CD200: variants seen among roughly 807,000 people sequenced by gnomAD.
The protein encoded by CD200 is OX-2 membrane glycoprotein.
Under a neutral mutation model 30.9 loss-of-function variants are expected in CD200, and 15 were observed. The observed-to-expected ratio is 0.49, with a 90% confidence interval of 0.32 to 0.75. CD200 has a LOEUF of 0.75. Among genes scored for constraint, CD200 ranks in the 30% least tolerant of loss-of-function variants. The pLI is 0.03. For synonymous variants in CD200, 134 were observed against 126.2 expected (o/e 1.06, Z -0.41); for missense variants, 262 against 324.2 (o/e 0.81, Z 1.47).
At chr3:112,346,303 T>C (rs2081391823) in intron 3 of CD200, among the ~76,000 whole-genome samples, 1 of 151,982 alleles carries the variant, frequency 6.6e-6, no homozygotes, top group African/African-American at 2.4e-5. Context: ...ATTTTTCTTT[T>C]TTTCTTGTGT....
At chr3:112,344,475 C>T (rs1444160829) in intron 2 of CD200, among the ~76,000 whole-genome samples, 1 of 152,174 alleles carries the variant, frequency 6.6e-6, no homozygotes, top group Non-Finnish European at 1.5e-5. Flanking sequence ...GAGGCAGACA[C>T]CTCTGTTCCA....
At chr3:112,333,616 C>T (rs913424791) in intron 1 of CD200, 1 of 985,308 alleles carries the variant, frequency 1.0e-6, no homozygotes, top group Non-Finnish European at 1.2e-6. Context: ...AAACTGCCCC[C>T]AAAAGGGAAA....
intron 1 of CD200, among the ~76,000 whole-genome samples, chr3:112,339,171 A>AT (rs1267686059): frequency 3.3e-5 from 5 of 152,178 alleles, no homozygotes; most frequent in East Asian, 1.9e-4. Context: ...ATCTGGTGTG[A>AT]TTTTTTATTC....
intron 4 of CD200, 102 bp downstream of exon 4, chr3:112,347,932 T>C: frequency 5.7e-6 from 6 of 1,049,516 alleles, no homozygotes; most frequent in Non-Finnish European, 8.2e-6. Flanking sequence ...GCATAATCTA[T>C]TTGGAGAAAG....
intron 2 of CD200, among the ~76,000 whole-genome samples, chr3:112,341,302 A>T (rs2081233713): frequency 6.6e-6 from 1 of 152,230 alleles, no homozygotes; most frequent in Non-Finnish European, 1.5e-5. Context: ...TTTTAAATAT[A>T]TGGGAATGCT....
rs1208407975 is a variant in CD200 at position 112,347,633 on chromosome 3, C to T, written c.497C>T (p.Pro166Leu). The change falls in exon 4 of 6, where the codon CCA becomes CTA. Residue 166 changes from proline (P) to leucine (L), a missense_variant. Transcript: ENST00000315711. ...LNITCSATAR[P>L]APMVFWKVPR... is the part of the protein sequence containing the mutation. ...ATCACTTGCTCTGCCACTGCCCGCC[C>T]AGCCCCCATGGTCTTCTGGAAGGTC... The T allele has an allele frequency of 1.2e-6, 2 of 1,613,928 alleles. No individual in the cohort carries two copies. Among genetic ancestry groups the T allele is most frequent in the African/African-American group, 2.7e-5 (2 of 74,886 alleles).
At chr3:112,354,225 C>T (rs527502183) in intron 5 of CD200, among the ~76,000 whole-genome samples, 5 of 152,314 alleles carry the variant, frequency 3.3e-5, no homozygotes, top group Non-Finnish European at 7.4e-5. Context: ...ACATCTCAGT[C>T]TCCTGCCCAA....
rs2081353602 is a variant in CD200 at position 112,345,073 on chromosome 3, C to T, written c.206C>T (p.Ala69Val). 6.2e-7 allele frequency: 1 copy of T among 1,613,944 alleles called. No homozygotes were observed. The highest frequency in any genetic ancestry group is 1.7e-5 in the Admixed American group (1 of 59,972). Residue 69 changes from alanine to valine, a missense_variant, in exon 3 of 6, where the codon GCT becomes GTT. Physicochemically the swap from Ala to Val is moderately conservative, Grantham distance 64 (BLOSUM62 0). Transcript: ENST00000315711. ...ALIVTWQKKK[A>V]VSPENMVTFS... ...ATTGTGACATGGCAGAAAAAGAAAG[C>T]TGTAAGCCCAGAAAACATGGTCACC... is the stretch of plus-strand genomic sequence containing the variant.
At chr3:112,335,857 A>G (rs2081103275) in intron 1 of CD200, 6 of 941,180 alleles carry the variant, frequency 6.4e-6, no homozygotes, top group Admixed American at 5.1e-5. Context: ...AACACACACA[A>G]CCACCTCCAG....
In CD200 at chr3:112,333,181, C is replaced by T. The variant is rs1163354070; in HGVS notation, c.-32C>T. 3 of 1,549,300 alleles carry T rather than the reference C, an allele frequency of 1.9e-6. No homozygotes were observed. The South Asian group carries it at 3.6e-5, about 18-fold the overall frequency. On this transcript the variant is annotated 5_prime_UTR_variant, in exon 1 of 6. Transcript: ENST00000315711. ...AGAGCTCCAGGCGCACATCCGCAGT[C>T]AGCCACCTCGCGCGCGCCTCCAGGA... is the stretch of plus-strand genomic sequence containing the variant.
At chr3:112,346,299 CT>C (rs950895234) in intron 3 of CD200, among the ~76,000 whole-genome samples, 7 of 151,520 alleles carry the variant, frequency 4.6e-5, no homozygotes, top group Non-Finnish European at 7.4e-5. Context: ...CCTAATTTTT[CT>C]TTTTTTCTTG....
upstream of CD200, chr3:112,333,100 G>A: frequency 6.7e-7 from 1 of 1,483,490 alleles, no homozygotes; most frequent in Non-Finnish European, 9.1e-7. Flanking sequence ...CTAGCGAGGA[G>A]GAAGAGGCGG....
At chr3:112,335,422 A>G (rs911737872) in intron 1 of CD200, among the ~76,000 whole-genome samples, 4 of 152,222 alleles carry the variant, frequency 2.6e-5, no homozygotes, top group South Asian at 2.1e-4. Context: ...ATCGAATAAT[A>G]AAATATATCT....
At chr3:112,352,982 C>T (rs932422098) in intron 5 of CD200, among the ~76,000 whole-genome samples, 1 of 152,142 alleles carries the variant, frequency 6.6e-6, no homozygotes, top group Admixed American at 6.5e-5. Flanking sequence ...CACAGTAAGA[C>T]TAATAAGATT....
chr3:112,340,391 G>A (rs1184117380), intron 1 of CD200, among the ~76,000 whole-genome samples: 1 of 152,142 alleles, frequency 6.6e-6, no homozygotes, highest in African/African-American at 2.4e-5. Context: ...AGCCAGTACT[G>A]CTTTTTAAAA....
At chr3:112,347,266 T>A (rs2108451522) in intron 3 of CD200, among the ~76,000 whole-genome samples, 1 of 152,332 alleles carries the variant, frequency 6.6e-6, no homozygotes, top group Non-Finnish European at 1.5e-5. Context: ...GAGAGAAAAG[T>A]ATCATCTGAC....
chr3:112,344,944 T>C lies in CD200; in HGVS notation c.95-18T>C, dbSNP rs778356040. On this transcript the variant is annotated intron_variant, in intron 2 of 5. Coordinates refer to ENST00000315711, the MANE Select transcript of CD200 (RefSeq NM_005944.7). ...TGTTACAATCTTTAAATATAAATGT[T>C]CTTTTATGATTCCATAGTGCAAGTG... 1.9e-6 allele frequency: 3 copies of C among 1,546,796 alleles called. No homozygotes were observed. In the South Asian group the frequency reaches 3.5e-5, roughly 18 times the overall value.
intron 2 of CD200, among the ~76,000 whole-genome samples, chr3:112,341,407 G>T (rs1231243926): frequency 6.6e-6 from 1 of 152,198 alleles, no homozygotes; most frequent in African/African-American, 2.4e-5. Context: ...ACGAAATGTA[G>T]AAGTTATATA....
At chr3:112,346,961 G>T (rs2081410267) in intron 3 of CD200, among the ~76,000 whole-genome samples, 1 of 152,136 alleles carries the variant, frequency 6.6e-6, no homozygotes, top group Non-Finnish European at 1.5e-5. Flanking sequence ...ATGGTTATTA[G>T]CTACGAATTC....
Sources: allele counts gnomAD v4.1 joint callset (sites outside exome capture counted in the v4.1 genomes callset), GRCh38; gene constraint gnomAD v4.1.1; transcripts MANE v1.5; gene names NCBI Gene and HGNC (gene_info 2026-07-23, HGNC 2026-07-21).